Variants in EPC1 observed in about 807,000 individuals in gnomAD.
EPC1 encodes enhancer of polycomb homolog 1.
A neutral mutation model predicts 98.4 loss-of-function variants in EPC1; 12 were observed. The ratio of observed to expected loss-of-function variants is 0.12; its 90% CI spans 0.08 to 0.20. EPC1 has a LOEUF of 0.20. Ranked by LOEUF, EPC1 falls within the 10% of genes least tolerant of loss-of-function variation. The probability of loss-of-function intolerance (pLI) is 1.00; values close to 1 mark genes in which losing one functional copy is unlikely to be tolerated. For missense variants in EPC1, 729 were observed against 990.5 expected (o/e 0.74, Z 3.54); for synonymous variants, 357 against 363.9 (o/e 0.98, Z 0.21).
In EPC1 at chr10:32,292,297, T is replaced by G. The variant is rs1170298787; in HGVS notation, c.815+199A>C. ...TGGAAATACTTGGTATGTTTTAACT[T>G]AAGTGAATCCAGTCACTTTTAAAGA... On this transcript the variant is annotated intron_variant, in intron 5 of 13. Coordinates refer to ENST00000319778, the MANE Select transcript of EPC1 (RefSeq NM_001272004.3). 8 of 368,948 alleles carry G rather than the reference T, an allele frequency of 2.2e-5. No individual in the cohort carries two copies. The Admixed American group carries it at 2.3e-4, about 11-fold the overall frequency. The allele number at this position is 368,948 out of a possible 1,614,324, so 22.9% of individuals were successfully genotyped here.
In EPC1 at chr10:32,305,887, G is replaced by T; in HGVS notation, c.198C>A (p.Gly66=). 6.2e-7 allele frequency: 1 copy of T among 1,610,996 alleles called. No individual in the cohort carries two copies. Among genetic ancestry groups the T allele is most frequent in the African/African-American group, 1.3e-5 (1 of 74,818 alleles). ...GTATAACCATATTATCCCTCTTCTCGCCATACACCTGCTGTGCTGAAATAG... is the reference window on the plus strand; with the variant it reads ...GTATAACCATATTATCCCTCTTCTCTCCATACACCTGCTGTGCTGAAATAG... ...QRAISAQQVY[G]EKRDNMVIPV... Residue 66 remains glycine (G), a synonymous_variant, in exon 2 of 14, where the codon GGC becomes GGA. Coordinates refer to ENST00000319778, the MANE Select transcript of EPC1 (RefSeq NM_001272004.3).
chr10:32,323,615 T>C (rs922516078), intron 1 of EPC1, among the ~76,000 whole-genome samples: 9 of 152,238 alleles, frequency 5.9e-5, no homozygotes, highest in African/African-American at 2.2e-4. Context: ...GAATTCCAAG[T>C]CTGCTGTTTA....
In EPC1 at chr10:32,362,575, G is replaced by A. The variant is rs962687925; in HGVS notation, c.3+15916C>T. The stretch of plus-strand genomic sequence containing the variant: ...CGGAAGCCGAGCAGATGCCAGCATC[G>A]TGCCTCCCATAAAGCGTGCTGAAGC... On this transcript the variant is annotated intron_variant, in intron 1 of 13. Coordinates refer to the EPC1 transcript ENST00000375110. 1.2e-4 allele frequency among the ~76,000 whole-genome samples: 19 copies of A among 152,068 alleles called. 1 individual carries two copies. The highest frequency in any genetic ancestry group is 8.5e-4 in the Admixed American group (13 of 15,260).
At chr10:32,360,149 T>TCA (rs10651134) in intron 1 of EPC1, among the ~76,000 whole-genome samples, 1,498 of 86,298 alleles carry the variant, frequency 0.017, no homozygotes, top group African/African-American at 0.037. Context: ...TTTGTATCAT[T>TCA]TATGTTTGTA....
chr10:32,293,024 A>T lies in EPC1; in HGVS notation c.630T>A (p.Ala210=). 6.3e-7 allele frequency: 1 copy of T among 1,599,294 alleles called. No individual in the cohort carries two copies. The highest frequency in any genetic ancestry group is 8.5e-7 in the Non-Finnish European group (1 of 1,172,840). The change falls in exon 4 of 14, where the codon GCT becomes GCA. Residue 210 remains alanine (A), a synonymous_variant. Coordinates refer to ENST00000319778, the MANE Select transcript of EPC1 (RefSeq NM_001272004.3). ...GCATTTTTTCAGTACGCCTTCTAAA[A>T]GCCACATAAGGATCATTTGTGCTGG... ...DGSSTNDPYV[A]FRRRTEKMQT... is the part of the protein sequence containing the mutation.
At chr10:32,284,585 T>G (rs1329911530) in intron 10 of EPC1, 113 bp downstream of exon 10, 1 of 867,796 alleles carries the variant, frequency 1.2e-6, no homozygotes, top group Non-Finnish European at 1.7e-6. Context: ...TTTTAACTGT[T>G]TAAGAGAAAA....
At position 32,271,570 on chromosome 10, in the gene EPC1, C is replaced by T; in HGVS notation, c.2353G>A (p.Val785Ile). 2 of 1,613,968 alleles carry T rather than the reference C, an allele frequency of 1.2e-6. No homozygotes were observed. The highest frequency in any genetic ancestry group is 1.7e-6 in the Non-Finnish European group (2 of 1,179,870). Residue 785 changes from valine to isoleucine, a missense_variant, in exon 13 of 14, where the codon GTA becomes ATA. Physicochemically the swap from Val to Ile is conservative, Grantham distance 29 (BLOSUM62 3). This residue lies in a region of EPC1 where 156 missense variants were observed against 188.9 expected (regional missense o/e 0.83). Transcript: ENST00000319778. ...ACTACTCACCTTGGAACTGAATCTA[C>T]AGAGGATGAAGATGGGACCTTGGAA... ...QVSKVPSSSSVDSVPRENHES... is the reference protein window; with the variant it reads ...QVSKVPSSSSIDSVPRENHES...
intron 9 of EPC1, chr10:32,286,471 G>A (rs1836684140): frequency 1.2e-5 from 6 of 513,992 alleles, no homozygotes; most frequent in Non-Finnish European, 1.7e-5. Flanking sequence ...CCACCTTGGG[G>A]AGAAAAGCAG....
intron 1 of EPC1, among the ~76,000 whole-genome samples, chr10:32,323,335 A>G (rs2505408): frequency 0.54 from 82,384 of 152,064 alleles, 25,899 homozygotes; most frequent in East Asian, 0.72. Context: ...AGGGACTTTG[A>G]CAATCTCAAA....
intron 2 of EPC1, among the ~76,000 whole-genome samples, chr10:32,301,043 TATCTATCTATCTATC>T (rs1564534242): frequency 2.9e-4 from 30 of 103,094 alleles, no homozygotes; most frequent in East Asian, 2.7e-3. Flanking sequence ...CATTTATATC[TATCTATCTATCTATC>T]TATCTATCTA....
chr10:32,304,137 G>C lies in EPC1; in HGVS notation c.313+1635C>G, dbSNP rs547925429. Among the ~76,000 whole-genome samples the C allele has an allele frequency of 2.0e-5, 3 of 152,074 alleles. No homozygotes were observed. The South Asian group carries it at 6.2e-4, about 31-fold the overall frequency. On this transcript the variant is annotated intron_variant, in intron 2 of 13. Coordinates refer to ENST00000319778, the MANE Select transcript of EPC1 (RefSeq NM_001272004.3). Reference sequence around the variant, plus strand: ...AGTCAATTCCTTTTTCAATATAGTAGTACCTTTTGACTTTACTGACCACAT... The same window carrying C: ...AGTCAATTCCTTTTTCAATATAGTACTACCTTTTGACTTTACTGACCACAT...
At chr10:32,311,146 TA>T (rs980061825) in intron 1 of EPC1, among the ~76,000 whole-genome samples, 2 of 151,416 alleles carry the variant, frequency 1.3e-5, no homozygotes. Context: ...CTGTCTCTAC[TA>T]AAAATACAAA....
At chr10:32,359,105 C>A (rs116834056) in intron 1 of EPC1, among the ~76,000 whole-genome samples, 1,727 of 152,218 alleles carry the variant, frequency 0.011, 38 homozygotes, top group African/African-American at 0.04. Flanking sequence ...GCTCTATAAG[C>A]GCACACTTTA....
At chr10:32,356,163 A>G (rs1839271217) in intron 1 of EPC1, among the ~76,000 whole-genome samples, 2 of 152,332 alleles carry the variant, frequency 1.3e-5, no homozygotes, top group East Asian at 1.9e-4. Context: ...TTTTGCTTTT[A>G]TAACACGAGG....
At chr10:32,286,863 T>A in intron 8 of EPC1, 21 bp from the exon 9 acceptor site, 1 of 1,609,970 alleles carries the variant, frequency 6.2e-7, no homozygotes, top group Non-Finnish European at 8.5e-7. Context: ...AAAATCCAAA[T>A]TATTTAATTT....
rs548864063 is a variant in EPC1 at position 32,316,220 on chromosome 10, G to T, written c.154-10289C>A. On this transcript the variant is annotated intron_variant, in intron 1 of 13. Transcript: ENST00000319778. ...CAACATCACATGATGGGGAGGATAT[G>T]GAATAACTAGAACTCTCATACATGG... Among the ~76,000 whole-genome samples, 59 of 152,286 alleles carry T rather than the reference G, an allele frequency of 3.9e-4. No individual in the cohort carries two copies. In the South Asian group the frequency reaches 0.012, roughly 31 times the overall value.
chr10:32,295,985 G>A (rs575541229), intron 2 of EPC1, among the ~76,000 whole-genome samples: 4 of 151,812 alleles, frequency 2.6e-5, no homozygotes, highest in Non-Finnish European at 5.9e-5. Flanking sequence ...GTGCAGTGGG[G>A]CGATCTCGGC....
intron 1 of EPC1, among the ~76,000 whole-genome samples, chr10:32,358,893 G>A (rs1416871556): frequency 6.6e-6 from 1 of 152,150 alleles, no homozygotes; most frequent in Non-Finnish European, 1.5e-5. Context: ...TGAGAGTTAT[G>A]TAAAGAATTC....
intron 2 of EPC1, among the ~76,000 whole-genome samples, chr10:32,305,091 T>C (rs1001796006): frequency 6.6e-6 from 1 of 152,190 alleles, no homozygotes; most frequent in African/African-American, 2.4e-5. Context: ...TCACCAAATG[T>C]CACACAGTTA....
Sources: allele counts gnomAD v4.1 joint callset (sites outside exome capture counted in the v4.1 genomes callset), GRCh38; gene constraint gnomAD v4.1.1; regional missense constraint gnomAD v4.1.1; transcripts MANE v1.5; gene names NCBI Gene and HGNC (gene_info 2026-07-23, HGNC 2026-07-21).